Variants in CRADD observed in about 807,000 individuals in gnomAD.
CRADD encodes the protein death domain-containing protein CRADD.
A neutral mutation model predicts 15.5 loss-of-function variants in CRADD; 9 were observed. That is an observed-to-expected ratio of 0.58 (90% CI 0.35 to 1.01). The LOEUF (loss-of-function observed/expected upper bound fraction) is 1.01, where lower values mean the gene tolerates loss of function less well. Among genes scored for constraint, CRADD ranks in the 50% least tolerant of loss-of-function variants. CRADD has a pLI of 0.02. For missense variants in CRADD, 227 were observed against 250.3 expected, an observed-to-expected ratio of 0.91 and a Z score of 0.63; for synonymous variants, 118 against 107.6, an observed-to-expected ratio of 1.10 and a Z score of -0.60.
intron 2 of CRADD, among the ~76,000 whole-genome samples, chr12:93,889,659 T>C (rs755187900): frequency 6.6e-6 from 1 of 152,150 alleles, no homozygotes; most frequent in Non-Finnish European, 1.5e-5. Flanking sequence ...TTGTAAGTCA[T>C]AGCCCAATCA....
chr12:93,870,968 G>A (rs1958414013), intron 2 of CRADD, among the ~76,000 whole-genome samples: 1 of 152,198 alleles, frequency 6.6e-6, no homozygotes, highest in Non-Finnish European at 1.5e-5. Context: ...CAAAATGGGA[G>A]CACAGAAGTT....
At chr12:93,804,217 T>A (rs1957509859) in intron 2 of CRADD, among the ~76,000 whole-genome samples, 1 of 152,138 alleles carries the variant, frequency 6.6e-6, no homozygotes, top group Admixed American at 6.6e-5. Context: ...ATGCCTGTCA[T>A]CCTTATCTGG....
At chr12:93,776,085 G>A (rs1957137612) in intron 2 of CRADD, among the ~76,000 whole-genome samples, 1 of 152,022 alleles carries the variant, frequency 6.6e-6, no homozygotes, top group Admixed American at 6.6e-5. Flanking sequence ...TTTTATCTGA[G>A]AGAACCCATT....
intron 2 of CRADD, among the ~76,000 whole-genome samples, chr12:93,799,188 T>G (rs1237818105): frequency 6.6e-6 from 1 of 152,220 alleles, no homozygotes; most frequent in Non-Finnish European, 1.5e-5. Flanking sequence ...AACTAGGTAT[T>G]TTTATGTAAA....
intron 2 of CRADD, among the ~76,000 whole-genome samples, chr12:93,885,564 C>T (rs1029411053): frequency 2.6e-5 from 4 of 152,098 alleles, no homozygotes; most frequent in African/African-American, 9.7e-5. Flanking sequence ...AGGTGAGTGT[C>T]ATTGAAAGAA....
intron 2 of CRADD, among the ~76,000 whole-genome samples, chr12:93,829,724 G>A (rs941592058): frequency 2.6e-5 from 4 of 152,018 alleles, no homozygotes; most frequent in South Asian, 2.1e-4. Context: ...ATGGAGCCTC[G>A]CTGTGTCACC....
rs985334638 is a variant in CRADD, at chr12:93,867,403, A to ATATATTTTTTTTTT, written c.299-26646_299-26645insATATTTTTTTTTTT. 4.2e-5 allele frequency among the ~76,000 whole-genome samples: 6 copies of ATATATTTTTTTTTT among 143,426 alleles called. No homozygotes were observed. The East Asian group carries it at 1.0e-3, about 25-fold the overall frequency. 94.1% of individuals were successfully genotyped at this position (143,426 alleles called of 152,430 possible). A position where few individuals can be genotyped will look rare whatever the true frequency, so the allele number is the denominator to read the frequency against. ...TTGTATTTGACATATATATATATAT[A>ATATATTTTTTTTTT]TTTTTTAAACTTGGAAGTCCAAGAT... On this transcript the variant is annotated intron_variant, in intron 2 of 2. Coordinates refer to the CRADD transcript ENST00000548483.
At chr12:93,833,205 A>G (rs554239660) in intron 2 of CRADD, among the ~76,000 whole-genome samples, 2 of 152,374 alleles carry the variant, frequency 1.3e-5, no homozygotes, top group East Asian at 3.9e-4. Flanking sequence ...TCATTTAAAA[A>G]TAAGCCTCAT....
intron 2 of CRADD, among the ~76,000 whole-genome samples, chr12:93,819,990 C>T (rs1485049370): frequency 1.3e-5 from 2 of 152,222 alleles, no homozygotes; most frequent in African/African-American, 2.4e-5. Flanking sequence ...GTTCAAAAGT[C>T]ATCTCTGCTT....
At chr12:93,690,036 T>A (rs1955531281) in intron 2 of CRADD, among the ~76,000 whole-genome samples, 1 of 152,210 alleles carries the variant, frequency 6.6e-6, no homozygotes, top group African/African-American at 2.4e-5. Context: ...TGAAATATAT[T>A]GGGTAGTTCA....
intron 2 of CRADD, among the ~76,000 whole-genome samples, chr12:93,794,871 G>T (rs11837942): frequency 5.1e-4 from 77 of 152,030 alleles, no homozygotes; most frequent in African/African-American, 1.8e-3. Context: ...ATACCAAGTG[G>T]GAGTCTTACC....
At chr12:93,747,096 T>C (rs957139843) in intron 2 of CRADD, among the ~76,000 whole-genome samples, 1 of 147,440 alleles carries the variant, frequency 6.8e-6, no homozygotes, top group Non-Finnish European at 1.5e-5. Context: ...TTTATTACAC[T>C]TTTTTTAAAA....
intron 2 of CRADD, among the ~76,000 whole-genome samples, chr12:93,753,326 T>G (rs989628997): frequency 6.6e-6 from 1 of 152,206 alleles, no homozygotes; most frequent in Non-Finnish European, 1.5e-5. Flanking sequence ...AAATTCAAGA[T>G]GAGACTTGTG....
chr12:93,880,814 A>G (rs1033537673), intron 2 of CRADD, among the ~76,000 whole-genome samples: 2 of 152,250 alleles, frequency 1.3e-5, no homozygotes, highest in African/African-American at 4.8e-5. Context: ...AGAAAACTCT[A>G]TTTTCAGAAT....
chr12:93,736,968 T>C (rs1455283348), intron 2 of CRADD, among the ~76,000 whole-genome samples: 1 of 152,220 alleles, frequency 6.6e-6, no homozygotes, highest in African/African-American at 2.4e-5. Flanking sequence ...TGAGCAAACA[T>C]GGTACTGTCT....
chr12:93,854,556 G>A (rs182656640), downstream of CRADD, among the ~76,000 whole-genome samples: 2 of 152,268 alleles, frequency 1.3e-5, no homozygotes, highest in East Asian at 3.9e-4. Context: ...GGTCCGTTTC[G>A]TGCAATCCAC....
chr12:93,693,877 G>C (rs1468099074), intron 2 of CRADD, among the ~76,000 whole-genome samples: 1 of 152,056 alleles, frequency 6.6e-6, no homozygotes, highest in African/African-American at 2.4e-5. Flanking sequence ...AGAACCTGAT[G>C]GCTTCATTGC....
chr12:93,735,121 T>G (rs1461622656), intron 2 of CRADD, among the ~76,000 whole-genome samples: 1 of 152,154 alleles, frequency 6.6e-6, no homozygotes, highest in Non-Finnish European at 1.5e-5. Context: ...GGGCCTCCTG[T>G]AGGCCCTCCA....
intron 2 of CRADD, among the ~76,000 whole-genome samples, chr12:93,766,308 C>T (rs1223377965): frequency 6.6e-6 from 1 of 152,218 alleles, no homozygotes; most frequent in Non-Finnish European, 1.5e-5. Context: ...TTCTTTGGCC[C>T]TCCCTGCCCC....
Sources: gnomAD v4.1 joint callset for allele counts (sites outside exome capture counted in the v4.1 genomes callset) on GRCh38, gnomAD v4.1.1 for gene constraint, MANE v1.5 for transcripts, NCBI Gene and HGNC (gene_info 2026-07-23, HGNC 2026-07-21) for gene names.